KIAA0825: variants seen among roughly 807,000 people sequenced by gnomAD.
The protein encoded by KIAA0825 is KIAA0825, also known as uncharacterized protein KIAA0825.
A neutral mutation model predicts 147.6 loss-of-function variants in KIAA0825; 119 were observed. The observed-to-expected ratio is 0.81, with a 90% CI of 0.69 to 0.94. The LOEUF is 0.94. Ranked by LOEUF, KIAA0825 falls within the 40% of genes least tolerant of loss-of-function variation. The probability of loss-of-function intolerance (pLI) is 0.00; values close to 1 mark genes in which losing one functional copy is unlikely to be tolerated. For missense variants in KIAA0825, 1,381 were observed against 1,472.7 expected, an observed-to-expected ratio of 0.94 and a Z score of 1.02; for synonymous variants, 470 against 518.1, an observed-to-expected ratio of 0.91 and a Z score of 1.26.
chr5:94,204,545 A>T (rs1172821920), intron 20 of KIAA0825, among the ~76,000 whole-genome samples: 1 of 152,234 alleles, frequency 6.6e-6, no homozygotes, highest in Non-Finnish European at 1.5e-5. Flanking sequence ...TAAACTATTT[A>T]TGGAAAAATA....
At chr5:94,408,121 G>A (rs1752304976) in intron 15 of KIAA0825, among the ~76,000 whole-genome samples, 1 of 152,064 alleles carries the variant, frequency 6.6e-6, no homozygotes, top group South Asian at 2.1e-4. Context: ...GTTGGATTTG[G>A]TCCAAAGGCA....
At chr5:94,529,228 ATATATATGTATATATACATATATATG>A (rs1770042563) in intron 3 of KIAA0825, among the ~76,000 whole-genome samples, 2 of 130,192 alleles carry the variant, frequency 1.5e-5, no homozygotes, top group Middle Eastern at 3.6e-3. Flanking sequence ...TGTATGTATC[ATATATATGTATATATACATATATATG>A]TATATATCAT....
At chr5:94,582,053 T>G (rs1782286626) in intron 2 of KIAA0825, among the ~76,000 whole-genome samples, 1 of 152,244 alleles carries the variant, frequency 6.6e-6, no homozygotes, top group South Asian at 2.1e-4. Flanking sequence ...GAAATATGAA[T>G]TATTTCATTC....
chr5:94,314,910 AG>A, intron 20 of KIAA0825, among the ~76,000 whole-genome samples: 1 of 151,648 alleles, frequency 6.6e-6, no homozygotes, highest in East Asian at 1.9e-4. Context: ...TGAGCTGATC[AG>A]ATTGAGCATA....
At chr5:94,556,871 C>T (rs1052269494) in intron 2 of KIAA0825, among the ~76,000 whole-genome samples, 6 of 152,168 alleles carry the variant, frequency 3.9e-5, no homozygotes, top group Non-Finnish European at 7.3e-5. Context: ...ATTTCTGCCT[C>T]GAACCTTACA....
intron 14 of KIAA0825, among the ~76,000 whole-genome samples, chr5:94,438,997 C>T (rs1026461240): frequency 3.3e-5 from 5 of 152,154 alleles, no homozygotes; most frequent in African/African-American, 1.2e-4. Context: ...CTGGGCTTTG[C>T]AGACTGGTGG....
intron 20 of KIAA0825, among the ~76,000 whole-genome samples, chr5:94,323,022 T>A (rs1780342210): frequency 6.6e-6 from 1 of 152,040 alleles, no homozygotes; most frequent in East Asian, 1.9e-4. Context: ...ATTTGTTACA[T>A]CTGTTTATGG....
chr5:94,202,963 T>C (rs1351497899), intron 20 of KIAA0825, among the ~76,000 whole-genome samples: 2 of 152,216 alleles, frequency 1.3e-5, no homozygotes, highest in Admixed American at 1.3e-4. Flanking sequence ...ATATTGGTAC[T>C]ACTCTTTGGC....
chr5:94,272,022 G>A (rs1777012287), intron 20 of KIAA0825, among the ~76,000 whole-genome samples: 1 of 144,790 alleles, frequency 6.9e-6, no homozygotes, highest in South Asian at 2.3e-4. Context: ...CAACAGCATG[G>A]ATGGAACTGG....
intron 20 of KIAA0825, among the ~76,000 whole-genome samples, chr5:94,313,269 C>T (rs1014323676): frequency 1.6e-4 from 24 of 151,590 alleles, no homozygotes; most frequent in African/African-American, 5.8e-4. Flanking sequence ...GAGTTAGAGT[C>T]CAATCCAACT....
At chr5:94,446,349 G>A (rs1357065873) in intron 13 of KIAA0825, among the ~76,000 whole-genome samples, 2 of 152,078 alleles carry the variant, frequency 1.3e-5, no homozygotes, top group Non-Finnish European at 2.9e-5. Context: ...TACAAATAAA[G>A]ATAAAGTAAC....
chr5:94,301,245 A>T (rs1365934840), intron 20 of KIAA0825, among the ~76,000 whole-genome samples: 3 of 152,138 alleles, frequency 2.0e-5, no homozygotes, highest in South Asian at 4.1e-4. Flanking sequence ...AACTGTTCAT[A>T]CTTAATTTTA....
chr5:94,517,297 TCATATATAA>T (rs1182420237), intron 5 of KIAA0825, among the ~76,000 whole-genome samples: 1 of 152,164 alleles, frequency 6.6e-6, no homozygotes, highest in Admixed American at 6.5e-5. Context: ...CTCAGTATTC[TCATATATAA>T]AGTATAAATA....
At chr5:94,512,344 C>T (rs185150415) in intron 5 of KIAA0825, among the ~76,000 whole-genome samples, 569 of 151,892 alleles carry the variant, frequency 3.7e-3, no homozygotes, top group Non-Finnish European at 6.0e-3. Flanking sequence ...TAATATTCAA[C>T]GTTTATAATA....
rs866774222 is a variant in KIAA0825, at chr5:94,180,513, T to C, written c.3711-26389A>G. On this transcript the variant is annotated intron_variant, in intron 20 of 20. Transcript: ENST00000682413. ...GAATTACCTACAACCAAGGTTAATT[T>C]CTTAGTTTTGATAAATATTCTTTGG... 3.5e-4 allele frequency among the ~76,000 whole-genome samples: 54 copies of C among 152,242 alleles called. No individual in the cohort carries two copies. In the Middle Eastern group the frequency reaches 0.01, roughly 29 times the overall value.
chr5:94,576,406 A>G (rs1781052260), intron 2 of KIAA0825, among the ~76,000 whole-genome samples: 1 of 152,116 alleles, frequency 6.6e-6, no homozygotes, highest in Non-Finnish European at 1.5e-5. Context: ...TGCATGAATT[A>G]TGGATTACTA....
intron 16 of KIAA0825, among the ~76,000 whole-genome samples, chr5:94,399,739 A>G (rs1376412408): frequency 6.6e-6 from 1 of 152,144 alleles, no homozygotes; most frequent in African/African-American, 2.4e-5. Flanking sequence ...GATGAAGGCA[A>G]TATATGTATA....
At position 94,211,952 on chromosome 5, in the gene KIAA0825, G is replaced by A. The variant is rs138075561; in HGVS notation, c.3711-57828C>T. Among the ~76,000 whole-genome samples, 3 of 152,274 alleles carry A rather than the reference G, an allele frequency of 2.0e-5. No homozygotes were observed. The East Asian group carries it at 5.8e-4, about 29-fold the overall frequency. Reference sequence around the variant, plus strand: ...CCCATACCTGAATAAACACTGGCAAGTTAAGTGAGAGATTATCTGATATAT... The same window carrying A: ...CCCATACCTGAATAAACACTGGCAAATTAAGTGAGAGATTATCTGATATAT... On this transcript the variant is annotated intron_variant, in intron 20 of 20. Coordinates refer to ENST00000682413, the MANE Select transcript of KIAA0825 (RefSeq NM_001145678.3).
chr5:94,211,261 T>C (rs1262105306), intron 20 of KIAA0825, among the ~76,000 whole-genome samples: 4 of 152,234 alleles, frequency 2.6e-5, no homozygotes, highest in Non-Finnish European at 5.9e-5. Flanking sequence ...ATGACACCTT[T>C]AGTTTAAGAA....
Sources: allele counts gnomAD v4.1 joint callset (sites outside exome capture counted in the v4.1 genomes callset), GRCh38; gene constraint gnomAD v4.1.1; transcripts MANE v1.5; gene names NCBI Gene and HGNC (gene_info 2026-07-23, HGNC 2026-07-21).